The following PIK3C2B variants were observed in gnomAD, a reference collection of about 807,000 sequenced individuals.
PIK3C2B encodes phosphatidylinositol-4-phosphate 3-kinase catalytic subunit type 2 beta.
PIK3C2B carries 83 observed loss-of-function variants against 184.3 expected under a neutral mutation model. The observed-to-expected ratio is 0.45, with a 90% CI of 0.38 to 0.54. The LOEUF is 0.54. PIK3C2B is among the 20% of genes least tolerant of loss of function. The pLI, the probability that PIK3C2B is intolerant of heterozygous loss-of-function variation, is 0.00. For missense variants in PIK3C2B, 1,736 were observed against 2,113.5 expected (o/e 0.82, Z 3.50); for synonymous variants, 779 against 837.6 (o/e 0.93, Z 1.21).
chr1:204,473,380 C>G (rs1656446322), intron 1 of PIK3C2B, among the ~76,000 whole-genome samples: 1 of 152,226 alleles, frequency 6.6e-6, no homozygotes, highest in Non-Finnish European at 1.5e-5. Flanking sequence ...TTCCACAGCT[C>G]CTTACAGATC....
intron 2 of PIK3C2B, 39 bp from the exon 3 acceptor site, chr1:204,465,358 C>T (rs367553920): frequency 2.5e-5 from 32 of 1,298,266 alleles, no homozygotes; most frequent in East Asian, 1.8e-4. Flanking sequence ...CCTTTTTCCT[C>T]GTGGTGTCCC....
Position 204,433,928 on chromosome 1 carries a change from G to A in PIK3C2B, c.3708C>T (p.Phe1236=). Residue 1236 remains phenylalanine, a synonymous_variant, in exon 25 of 33, where the codon TTC becomes TTT. Coordinates refer to ENST00000684373, the MANE Select transcript of PIK3C2B (RefSeq NM_001377334.1). This position sits in a 1 kb window ranked among gnomAD's most constrained non-coding sequence, Gnocchi z 5.0. ...NIKRDRAPFV[F]TSDMAYVING... is the part of the protein sequence containing the mutation. ...TGATGACATACGCCATGTCCGAGGTGAAGACAAAGGGGGCACGGTCCCTGA... is the reference window on the plus strand; with the variant it reads ...TGATGACATACGCCATGTCCGAGGTAAAGACAAAGGGGGCACGGTCCCTGA... 6.2e-7 allele frequency: 1 copy of A among 1,614,032 alleles called. No homozygotes were observed. Among genetic ancestry groups the A allele is most frequent in the Non-Finnish European group, 8.5e-7 (1 of 1,179,964 alleles).
At chr1:204,451,657 T>C (rs1052514793) in intron 12 of PIK3C2B, among the ~76,000 whole-genome samples, 4 of 152,148 alleles carry the variant, frequency 2.6e-5, no homozygotes, top group African/African-American at 4.8e-5. Flanking sequence ...CAGTTTCTCA[T>C]CAGGGAAAAG....
rs1658262558 is a variant in PIK3C2B at position 204,494,772 on chromosome 1, C to CCCGGCCGCCGGCT, written c.-514_-502dup. On this transcript the variant is annotated 5_prime_UTR_variant, in exon 1 of 33. Coordinates refer to ENST00000684373, the MANE Select transcript of PIK3C2B (RefSeq NM_001377334.1). ...CAGACCCTGCCTGGACAGGCAGGCA[C>CCCGGCCGCCGGCT]CCGGCCGCCGGCTCCAGCCGCAGCG... The CCCGGCCGCCGGCT allele has an allele frequency of 6.6e-6, 1 of 152,166 alleles. No homozygotes were observed. The highest frequency in any genetic ancestry group is 1.5e-5 in the Non-Finnish European group (1 of 68,030). The allele number at this position is 152,166 out of a possible 1,614,324, so 9.4% of individuals were successfully genotyped here. A position where few individuals can be genotyped will look rare whatever the true frequency, so the allele number is the denominator to read the frequency against.
In PIK3C2B at chr1:204,447,917, C is replaced by T. The variant is rs957190588; in HGVS notation, c.2347-339G>A. ...ACACGGGGTGCATCCAGGCTGAGTC[C>T]GGGGTGACTTCCATGGGGTGCCAGA... On this transcript the variant is annotated intron_variant, in intron 14 of 32. Coordinates refer to ENST00000684373, the MANE Select transcript of PIK3C2B (RefSeq NM_001377334.1). This position sits in a 1 kb window ranked among gnomAD's most constrained non-coding sequence, Gnocchi z 4.1. Among the ~76,000 whole-genome samples the T allele has an allele frequency of 2.0e-5, 3 of 151,964 alleles. No homozygotes were observed. The highest frequency in any genetic ancestry group is 4.4e-5 in the Non-Finnish European group (3 of 67,954).
intron 3 of PIK3C2B, 58 bp downstream of exon 3, chr1:204,465,161 G>GCCCCCC: frequency 1.1e-5 from 8 of 734,304 alleles, no homozygotes; most frequent in Middle Eastern, 2.6e-4. Flanking sequence ...GAAATGGATG[G>GCCCCCC]CCCCCCTCCC....
intron 21 of PIK3C2B, among the ~76,000 whole-genome samples, chr1:204,440,904 C>G (rs1675623064): frequency 6.6e-6 from 1 of 152,138 alleles, no homozygotes; most frequent in Non-Finnish European, 1.5e-5. Context: ...TGAGGCACCA[C>G]ACCCAGGCCA....
Position 204,444,083 on chromosome 1 carries a change from G to A in PIK3C2B, c.2852C>T (p.Thr951Ile). The change falls in exon 18 of 33, where the codon ACT becomes ATT. Residue 951 changes from threonine (T) to isoleucine (I), a missense_variant. By Grantham distance (89) the Thr-to-Ile change is moderately conservative. Transcript: ENST00000684373. ...LKRAVSDLRVTHYFFWLLKDG... is the reference protein window; with the variant it reads ...LKRAVSDLRVIHYFFWLLKDG... ...GCAGTTTTACCAGAAGAAGTAGTGA[G>A]TCACTCTCAAGTCAGACACAGCTCG... 1 of 1,610,744 alleles carries A rather than the reference G, an allele frequency of 6.2e-7. No individual in the cohort carries two copies. Among genetic ancestry groups the A allele is most frequent in the South Asian group, 1.1e-5 (1 of 91,012 alleles).
chr1:204,438,069 C>T (rs1675449599), intron 23 of PIK3C2B, among the ~76,000 whole-genome samples: 1 of 152,208 alleles, frequency 6.6e-6, no homozygotes, highest in African/African-American at 2.4e-5. Context: ...CATCTAATTA[C>T]ACATTCACTA....
Position 204,424,759 on chromosome 1 carries a change from C to T in PIK3C2B, c.*93G>A, listed in dbSNP as rs771774949. On this transcript the variant is annotated 3_prime_UTR_variant, in exon 33 of 33. Transcript: ENST00000684373. ...CCGAGCTGGAGGCCTGCCCAGGGCC[C>T]TGGCCCTTCACAAGGAGGAGTCTCA... 21 of 1,320,918 alleles carry T rather than the reference C, an allele frequency of 1.6e-5. No individual in the cohort carries two copies. Among genetic ancestry groups the T allele is most frequent in the Non-Finnish European group, 2.2e-5 (20 of 915,268 alleles). 81.8% of individuals were successfully genotyped at this position (1,320,918 alleles called of 1,614,324 possible). A position where few individuals can be genotyped will look rare whatever the true frequency, so the allele number is the denominator to read the frequency against.
Position 204,424,790 on chromosome 1 carries a change from G to A in PIK3C2B, c.*62C>T, listed in dbSNP as rs1384372444. 5.2e-6 allele frequency: 8 copies of A among 1,540,524 alleles called. No individual in the cohort carries two copies. The highest frequency in any genetic ancestry group is 1.1e-5 in the South Asian group (1 of 89,536). The stretch of plus-strand genomic sequence containing the variant: ...CTTCACAAGGAGGAGTCTCACAGGG[G>A]AGAGTCCTCTCCCCCAGCTCCTGCC... On this transcript the variant is annotated 3_prime_UTR_variant, in exon 33 of 33. Coordinates refer to ENST00000684373, the MANE Select transcript of PIK3C2B (RefSeq NM_001377334.1).
At chr1:204,442,792 T>TA (rs1045763974) in intron 19 of PIK3C2B, among the ~76,000 whole-genome samples, 159 bp from the exon 20 acceptor site, 1 of 152,116 alleles carries the variant, frequency 6.6e-6, no homozygotes, top group Admixed American at 6.5e-5. Context: ...GAGGACCCCC[T>TA]ACACCCCAGC....
chr1:204,466,120 A>C (rs1655759720), intron 2 of PIK3C2B, among the ~76,000 whole-genome samples: 1 of 152,216 alleles, frequency 6.6e-6, no homozygotes, highest in Non-Finnish European at 1.5e-5. Context: ...AGCCCCTAGC[A>C]AGGCCTGTAG....
Position 204,469,502 on chromosome 1 carries a change from C to T in PIK3C2B, c.301G>A (p.Gly101Arg). 6.2e-7 allele frequency: 1 copy of T among 1,608,120 alleles called. No individual in the cohort carries two copies. The highest frequency in any genetic ancestry group is 1.7e-4 in the Middle Eastern group (1 of 6,018). Residue 101 changes from glycine (G) to arginine (R), a missense_variant, in exon 2 of 33, where the codon GGG becomes AGG. By Grantham distance (125) the Gly-to-Arg change is moderately radical. Coordinates refer to ENST00000684373, the MANE Select transcript of PIK3C2B (RefSeq NM_001377334.1). ...TGGGAGGTAGAGTGGTTGGGCGGCC[C>T]TTCCTGTGGGGAGAGTGAGTTGTAG... ...LNYNSLSPQE[G>R]PPNHSTSQGP...
At position 204,433,923 on chromosome 1, in the gene PIK3C2B, G is replaced by A. The variant is rs147186784; in HGVS notation, c.3713C>T (p.Ser1238Leu). 1.2e-6 allele frequency: 2 copies of A among 1,613,998 alleles called. No homozygotes were observed. Among genetic ancestry groups the A allele is most frequent in the Non-Finnish European group, 1.7e-6 (2 of 1,179,946 alleles). ...KRDRAPFVFTSDMAYVINGGD... is the reference protein window; with the variant it reads ...KRDRAPFVFTLDMAYVINGGD... ...CCCGTTGATGACATACGCCATGTCC[G>A]AGGTGAAGACAAAGGGGGCACGGTC... Residue 1238 changes from serine (S) to leucine (L), a missense_variant, in exon 25 of 33, where the codon TCG becomes TTG. Around this residue, in one of 8 missense-constraint regions of PIK3C2B, gnomAD observed 119 missense variants for 179.3 expected, o/e 0.66. Transcript: ENST00000684373. The surrounding 1 kb of genome is among the most constrained non-coding windows in gnomAD (Gnocchi z 5.0).
chr1:204,428,332 C>T (rs1674860819), intron 29 of PIK3C2B, 112 bp from the exon 30 acceptor site: 1 of 669,028 alleles, frequency 1.5e-6, no homozygotes, highest in African/African-American at 1.8e-5. Context: ...CAACCAACAA[C>T]ATGCAGTTCT....
intron 1 of PIK3C2B, chr1:204,489,815 C>A (rs1310779900): frequency 7.5e-6 from 3 of 398,048 alleles, no homozygotes; most frequent in Non-Finnish European, 1.3e-5. Flanking sequence ...AGAACTCATA[C>A]CTGATTCTTC....
intron 14 of PIK3C2B, among the ~76,000 whole-genome samples, chr1:204,448,853 A>G (rs548003034): frequency 2.6e-5 from 4 of 152,188 alleles, no homozygotes; most frequent in Admixed American, 2.6e-4. Context: ...AGGCCCCAAG[A>G]GGACCCAGGT....
intron 8 of PIK3C2B, among the ~76,000 whole-genome samples, chr1:204,459,510 C>A (rs1655147397): frequency 6.6e-6 from 1 of 152,192 alleles, no homozygotes; most frequent in Non-Finnish European, 1.5e-5. Context: ...CAGAACCTCT[C>A]AAACTGGAGG....
Sources: allele counts gnomAD v4.1 joint callset (sites outside exome capture counted in the v4.1 genomes callset), GRCh38; gene constraint gnomAD v4.1.1; regional missense constraint gnomAD v4.1.1; non-coding constraint Gnocchi (gnomAD v3.1); transcripts MANE v1.5; gene names NCBI Gene and HGNC (gene_info 2026-07-23, HGNC 2026-07-21).